SPINK2: variants seen among roughly 807,000 people sequenced by gnomAD.
SPINK2 encodes the protein serine protease inhibitor Kazal-type 2.
Under a neutral mutation model 13.5 loss-of-function variants are expected in SPINK2, and 8 were observed. That is an observed-to-expected ratio of 0.59 (90% CI 0.35 to 1.07). The LOEUF is 1.07. SPINK2 is among the 50% of genes least tolerant of loss of function. The pLI is 0.02. For synonymous variants in SPINK2, 76 were observed against 74.7 expected (o/e 1.02, Z -0.09); for missense variants, 148 against 180.3 (o/e 0.82, Z 1.03).
chr4:56,812,832 T>C (rs1355891198), intron 2 of SPINK2, among the ~76,000 whole-genome samples: 1 of 152,032 alleles, frequency 6.6e-6, no homozygotes. Flanking sequence ...AGCAGGAAAT[T>C]GAGAATTGAA....
chr4:56,810,848 C>T (rs895990978), intron 3 of SPINK2, among the ~76,000 whole-genome samples: 8 of 151,840 alleles, frequency 5.3e-5, no homozygotes, highest in Non-Finnish European at 7.4e-5. Context: ...CAGAGAAGAC[C>T]GACTAAGGTC....
At chr4:56,819,567 C>CAAT (rs1284621762) in intron 2 of SPINK2, among the ~76,000 whole-genome samples, 1 of 151,822 alleles carries the variant, frequency 6.6e-6, no homozygotes, top group African/African-American at 2.4e-5. Context: ...GGAAGCAAAA[C>CAAT]AATAACCCCT....
At chr4:56,821,156 T>C (rs532408953) in intron 1 of SPINK2, among the ~76,000 whole-genome samples, 5 of 152,190 alleles carry the variant, frequency 3.3e-5, no homozygotes, top group Non-Finnish European at 7.4e-5. Flanking sequence ...GGGTAACAAA[T>C]ACAAAATTTA....
At chr4:56,818,234 G>C (rs889962098) in intron 2 of SPINK2, 7 of 152,180 alleles carry the variant, frequency 4.6e-5, no homozygotes, top group Admixed American at 2.6e-4. Context: ...CTGGTCAAGC[G>C]AAGCAGTGGA....
intron 2 of SPINK2, among the ~76,000 whole-genome samples, chr4:56,813,103 CCTG>C (rs1717132583): frequency 6.6e-6 from 1 of 152,094 alleles, no homozygotes; most frequent in Non-Finnish European, 1.5e-5. Context: ...AGGTGGATCA[CCTG>C]AGGTCAGGAG....
intron 3 of SPINK2, 163 bp from the exon 4 acceptor site, chr4:56,810,347 T>A (rs1716877425): frequency 3.0e-6 from 2 of 658,402 alleles, no homozygotes. Flanking sequence ...ACAAAGAGGG[T>A]GAAAGTCCCC....
At chr4:56,816,511 G>T (rs1246839280) in intron 2 of SPINK2, among the ~76,000 whole-genome samples, 1 of 151,912 alleles carries the variant, frequency 6.6e-6, no homozygotes, top group African/African-American at 2.4e-5. Context: ...AATTAGCTGG[G>T]CGTGGTGGTG....
At chr4:56,814,714 C>A (rs1407513173) in intron 2 of SPINK2, among the ~76,000 whole-genome samples, 2 of 151,856 alleles carry the variant, frequency 1.3e-5, no homozygotes, top group Admixed American at 1.3e-4. Flanking sequence ...GTAATCCCAG[C>A]ACTTTGGGAG....
intron 2 of SPINK2, 22 bp from the exon 3 acceptor site, chr4:56,811,816 AT>A (rs780147618): frequency 4.4e-5 from 66 of 1,501,788 alleles, no homozygotes; most frequent in Non-Finnish European, 6.0e-5. Flanking sequence ...AAAGAGAGAA[AT>A]TCGAGAATGA....
intron 2 of SPINK2, among the ~76,000 whole-genome samples, chr4:56,815,191 AAAAAT>A (rs1717335869): frequency 6.6e-6 from 1 of 152,078 alleles, no homozygotes; most frequent in Non-Finnish European, 1.5e-5. Flanking sequence ...AAACAAAAAC[AAAAAT>A]AAAATAAAAT....
chr4:56,811,007 C>T lies in SPINK2; in HGVS notation c.359+678G>A, dbSNP rs141331822. Among the ~76,000 whole-genome samples the T allele has an allele frequency of 2.5e-3, 377 of 152,228 alleles. 1 individual carries two copies. Among genetic ancestry groups the T allele is most frequent in the African/African-American group, 8.8e-3 (365 of 41,536 alleles). ...AGCAGAGTCAGTAAGTCCCACTTCC[C>T]GACTACTAATACAGGGTGTGCAGAC... On this transcript the variant is annotated intron_variant, in intron 3 of 3. Coordinates refer to ENST00000506738, the MANE Select transcript of SPINK2 (RefSeq NM_001271718.2).
chr4:56,816,915 T>C (rs1717502144), intron 2 of SPINK2, among the ~76,000 whole-genome samples: 1 of 150,652 alleles, frequency 6.6e-6, no homozygotes, highest in Non-Finnish European at 1.5e-5. Context: ...AAATAAAACA[T>C]CTAGAAAGAC....
In SPINK2 at chr4:56,816,278, A is replaced by G. The variant is rs140835993; in HGVS notation, c.249+4258T>C. Among the ~76,000 whole-genome samples, 1,017 of 152,284 alleles carry G rather than the reference A, an allele frequency of 6.7e-3. 15 individuals carry two copies. Among genetic ancestry groups the G allele is most frequent in the African/African-American group, 0.022 (932 of 41,564 alleles). ...GAATAAAACATCTCTAGGGCCAGGC[A>G]TGGTGGCTCACACCCTTAATCTCAG... On this transcript the variant is annotated intron_variant, in intron 2 of 3. Transcript: ENST00000506738.
At position 56,821,607 on chromosome 4, in the gene SPINK2, C is replaced by A. The variant is rs1238039592; in HGVS notation, c.56G>T (p.Gly19Val). 6.5e-7 allele frequency: 1 copy of A among 1,549,644 alleles called. No homozygotes were observed. The highest frequency in any genetic ancestry group is 8.7e-7 in the Non-Finnish European group (1 of 1,147,500). ...ALLLLAVTFA[G>V]SARSGPGERG... ...CTCGCCAGGACCGCTCCGAGCGCTA[C>A]CTGCGAAGGTAACTGCCAGGAGCAG... The change falls in exon 1 of 4, where the codon GGT (glycine) becomes GTT (valine). Residue 19 changes from glycine (G) to valine (V), a missense_variant. Gly to Val is a moderately radical substitution (Grantham distance 109). Transcript: ENST00000506738.
intron 3 of SPINK2, chr4:56,810,819 C>CA (rs5858397): frequency 0.18 from 21,637 of 117,864 alleles, 1,852 homozygotes; most frequent in South Asian, 0.43. Context: ...GACTCAGTCT[C>CA]AAAAAAAAAA....
chr4:56,816,513 G>A (rs759326314), intron 2 of SPINK2, among the ~76,000 whole-genome samples: 2 of 151,710 alleles, frequency 1.3e-5, no homozygotes, highest in Non-Finnish European at 2.9e-5. Flanking sequence ...TTAGCTGGGC[G>A]TGGTGGTGGG....
Position 56,819,278 on chromosome 4 carries a change from CTGG to C in SPINK2, c.249+1255_249+1257del, listed in dbSNP as rs201975614. On this transcript the variant is annotated intron_variant, in intron 2 of 3. Coordinates refer to ENST00000506738, the MANE Select transcript of SPINK2 (RefSeq NM_001271718.2). ...GAAGGGAATCGCGTGGGAAGGCTTC[CTGG>C]AAGAAGCCTACTCTGAGCTGAATGC... Among the ~76,000 whole-genome samples, 416 of 152,232 alleles carry C rather than the reference CTGG, an allele frequency of 2.7e-3. 2 individuals are homozygous for C. The highest frequency in any genetic ancestry group is 9.7e-3 in the African/African-American group (401 of 41,542).
intron 2 of SPINK2, among the ~76,000 whole-genome samples, chr4:56,812,563 C>CAAAAAAAAAAAAAAAAA (rs57162077): frequency 2.4e-4 from 4 of 16,372 alleles, no homozygotes; most frequent in East Asian, 2.8e-3. Context: ...AACTCCATCT[C>CAAAAAAAAAAAAAAAAA]AAAAAAAAAA....
At chr4:56,817,589 G>A (rs965807132) in intron 2 of SPINK2, among the ~76,000 whole-genome samples, 10 of 152,006 alleles carry the variant, frequency 6.6e-5, no homozygotes, top group African/African-American at 2.4e-4. Flanking sequence ...GGTGGTTCAC[G>A]CTTGTAATCC....
Sources: gnomAD v4.1 joint callset for allele counts (sites outside exome capture counted in the v4.1 genomes callset) on GRCh38, gnomAD v4.1.1 for gene constraint, MANE v1.5 for transcripts, NCBI Gene and HGNC (gene_info 2026-07-23, HGNC 2026-07-21) for gene names.